COL14A1: variants seen among roughly 807,000 people sequenced by gnomAD.
COL14A1 encodes the protein collagen alpha-1(XIV) chain.
COL14A1 carries 136 observed loss-of-function variants against 230.3 expected under a neutral mutation model. That is an observed-to-expected ratio of 0.59 (90% CI 0.51 to 0.68). The LOEUF is 0.68. Ranked by LOEUF, COL14A1 falls within the 30% of genes least tolerant of loss-of-function variation. The pLI is 0.00. For synonymous variants in COL14A1, 792 were observed against 784.1 expected, an observed-to-expected ratio of 1.01 and a Z score of -0.17; for missense variants, 1,976 against 2,215.8, an observed-to-expected ratio of 0.89 and a Z score of 2.17.
intron 1 of COL14A1, among the ~76,000 whole-genome samples, chr8:120,140,805 C>T (rs1441585018): frequency 1.3e-5 from 2 of 151,970 alleles, no homozygotes; most frequent in Admixed American, 6.6e-5. Context: ...CTTATCTGGA[C>T]AAATGAGATT....
chr8:120,197,799 C>CT lies in COL14A1; in HGVS notation c.593-5dup. On this transcript the variant is annotated splice_polypyrimidine_tract_variant and intron_variant, in intron 6 of 47. Transcript: ENST00000297848. ...CATTATTCCTGGTGCGTTTCCTAAT[C>CT]TTTTTTTCCAGGTCTTGCACAGTAT... is the stretch of plus-strand genomic sequence containing the variant. 3 of 1,596,908 alleles carry CT rather than the reference C, an allele frequency of 1.9e-6. No individual in the cohort carries two copies. Among genetic ancestry groups the CT allele is most frequent in the Non-Finnish European group, 2.6e-6 (3 of 1,169,676 alleles).
At chr8:120,266,662 A>C (rs141832060) in intron 24 of COL14A1, among the ~76,000 whole-genome samples, 165 bp from the exon 25 acceptor site, 6 of 152,130 alleles carry the variant, frequency 3.9e-5, no homozygotes, top group African/African-American at 1.2e-4. Context: ...CGATGGATGG[A>C]GTCAGTTTTC....
At chr8:120,326,701 C>T (rs1821681162) in intron 40 of COL14A1, among the ~76,000 whole-genome samples, 1 of 152,020 alleles carries the variant, frequency 6.6e-6, no homozygotes, top group Admixed American at 6.6e-5. Flanking sequence ...TGAGATAAAG[C>T]AAGCAGATAA....
At chr8:120,134,804 GTC>G (rs1563628381) in intron 1 of COL14A1, among the ~76,000 whole-genome samples, 2 of 152,118 alleles carry the variant, frequency 1.3e-5, no homozygotes. Context: ...GCGAAACCCT[GTC>G]TCTACTAAAA....
chr8:120,221,517 T>C (rs1346252978), intron 14 of COL14A1, among the ~76,000 whole-genome samples: 2 of 151,764 alleles, frequency 1.3e-5, no homozygotes, highest in African/African-American at 4.8e-5. Flanking sequence ...GCATCAAATA[T>C]TTAATAAACA....
intron 45 of COL14A1, among the ~76,000 whole-genome samples, chr8:120,356,762 T>G (rs1242174232): frequency 6.6e-6 from 1 of 152,106 alleles, no homozygotes; most frequent in African/African-American, 2.4e-5. Context: ...ACATGTTGCC[T>G]TCTTCCTTCT....
chr8:120,282,354 G>C (rs1451060279), intron 31 of COL14A1, among the ~76,000 whole-genome samples: 4 of 152,108 alleles, frequency 2.6e-5, no homozygotes, highest in Non-Finnish European at 5.9e-5. Context: ...AATATCCTCT[G>C]GAGACACCCT....
At chr8:120,217,834 A>T (rs1484276753) in intron 14 of COL14A1, among the ~76,000 whole-genome samples, 1 of 151,602 alleles carries the variant, frequency 6.6e-6, no homozygotes, top group Non-Finnish European at 1.5e-5. Flanking sequence ...ACTGTGTAGG[A>T]GGATGAGGAA....
intron 41 of COL14A1, 54 bp downstream of exon 41, chr8:120,332,248 C>G (rs1404580117): frequency 3.3e-6 from 5 of 1,526,484 alleles, no homozygotes; most frequent in Non-Finnish European, 4.5e-6. Flanking sequence ...CACTTCATTT[C>G]TTTTGAGAGG....
At position 120,278,509 on chromosome 8, in the gene COL14A1, A is replaced by G. The variant is rs767354173; in HGVS notation, c.3412A>G (p.Ile1138Val). 3 of 1,613,186 alleles carry G rather than the reference A, an allele frequency of 1.9e-6. No individual in the cohort carries two copies. Among genetic ancestry groups the G allele is most frequent in the South Asian group, 1.1e-5 (1 of 91,030 alleles). The stretch of plus-strand genomic sequence containing the variant: ...TACAAGAAGGGGCATCCCAAAGGTT[A>G]TCGTGGTTATAACTGATGGAAGATC... ...SGTRRGIPKVIVVITDGRSQD... is the reference protein window; with the variant it reads ...SGTRRGIPKVVVVITDGRSQD... The change falls in exon 28 of 48, where the codon ATC (isoleucine) becomes GTC (valine). Residue 1138 changes from isoleucine (I) to valine (V), a missense_variant. Transcript: ENST00000297848.
chr8:120,148,496 T>C (rs1815171320), intron 2 of COL14A1, among the ~76,000 whole-genome samples: 2 of 152,190 alleles, frequency 1.3e-5, no homozygotes, highest in South Asian at 2.1e-4. Context: ...TTTTATGTTA[T>C]GATATCAGTT....
intron 36 of COL14A1, among the ~76,000 whole-genome samples, chr8:120,303,801 T>G (rs548974101): frequency 3.5e-4 from 53 of 152,306 alleles, no homozygotes; most frequent in African/African-American, 1.2e-3. Flanking sequence ...TGGAATAGTT[T>G]CAAAAGGAAT....
At chr8:120,154,568 T>A (rs1815399105) in intron 2 of COL14A1, among the ~76,000 whole-genome samples, 2 of 152,140 alleles carry the variant, frequency 1.3e-5, no homozygotes, top group African/African-American at 4.8e-5. Context: ...TTCACAGATC[T>A]TATATCAGGC....
intron 7 of COL14A1, 34 bp downstream of exon 7, chr8:120,197,964 A>G (rs1434771175): frequency 2.5e-6 from 4 of 1,602,820 alleles, no homozygotes; most frequent in Non-Finnish European, 2.6e-6. Flanking sequence ...ATAACAACAT[A>G]TCTTTTTGAA....
At chr8:120,370,590 C>G in intron 47 of COL14A1, 1 of 1,452,748 alleles carries the variant, frequency 6.9e-7, no homozygotes, top group African/African-American at 1.4e-5. Context: ...TCATATATGT[C>G]TATTTTAATA....
chr8:120,249,275 T>C (rs1818867244), intron 21 of COL14A1, among the ~76,000 whole-genome samples: 1 of 152,014 alleles, frequency 6.6e-6, no homozygotes. Context: ...TTCAGCCTTT[T>C]CTATTGTGCC....
In COL14A1 at chr8:120,278,102, TC is replaced by T. The variant is rs1819909928; in HGVS notation, c.3214-8del. The T allele has an allele frequency of 6.3e-7, 1 of 1,597,412 alleles. No individual in the cohort carries two copies. The highest frequency in any genetic ancestry group is 8.5e-7 in the Non-Finnish European group (1 of 1,173,702). On this transcript the variant is annotated splice_polypyrimidine_tract_variant and splice_region_variant and intron_variant, in intron 26 of 47. Transcript: ENST00000297848. ...TATGTGTGAAAATGAATACACCTTC[TC>T]TCTCCAGGTTGCAATGGTTCAGTTC...
chr8:120,266,213 G>T lies in COL14A1; in HGVS notation c.3017-614G>T, dbSNP rs112646263. Among the ~76,000 whole-genome samples the T allele has an allele frequency of 6.2e-3, 945 of 152,148 alleles. 10 individuals carry two copies. Among genetic ancestry groups the T allele is most frequent in the African/African-American group, 0.021 (886 of 41,524 alleles). On this transcript the variant is annotated intron_variant, in intron 24 of 47. Coordinates refer to ENST00000297848, the MANE Select transcript of COL14A1 (RefSeq NM_021110.4). ...CACTACTCTGATCTAACTGTCCCCA[G>T]ATCCTTTAACCAAGCCATACCTCTG...
At chr8:120,273,205 A>G (rs1819729256) in intron 26 of COL14A1, among the ~76,000 whole-genome samples, 1 of 151,904 alleles carries the variant, frequency 6.6e-6, no homozygotes, top group Admixed American at 6.6e-5. Context: ...TGGGTTAATA[A>G]TAAAATCAAG....
Sources: allele counts gnomAD v4.1 joint callset (sites outside exome capture counted in the v4.1 genomes callset), GRCh38; gene constraint gnomAD v4.1.1; transcripts MANE v1.5; gene names NCBI Gene and HGNC (gene_info 2026-07-23, HGNC 2026-07-21).